Variants in KCNJ2 observed in about 807,000 individuals in gnomAD.
The protein encoded by KCNJ2 is inward rectifier potassium channel 2.
KCNJ2 carries 12 observed loss-of-function variants against 28.4 expected under a neutral mutation model. The ratio of observed to expected loss-of-function variants is 0.42; its 90% CI spans 0.27 to 0.68. The LOEUF (loss-of-function observed/expected upper bound fraction) is 0.68, where lower values mean the gene tolerates loss of function less well. Among genes scored for constraint, KCNJ2 ranks in the 30% least tolerant of loss-of-function variants. The pLI is 0.23. For synonymous variants in KCNJ2, 200 were observed against 203.2 expected, an observed-to-expected ratio of 0.98 and a Z score of 0.13; for missense variants, 320 against 551.3, an observed-to-expected ratio of 0.58 and a Z score of 4.20.
chr17:70,174,920 TCTC>T lies in KCNJ2; in HGVS notation c.-116_-114del. 1 of 949,014 alleles carries T rather than the reference TCTC, an allele frequency of 1.1e-6. No individual in the cohort carries two copies. The highest frequency in any genetic ancestry group is 1.4e-5 in the South Asian group (1 of 71,554). 58.8% of individuals were successfully genotyped at this position (949,014 alleles called of 1,614,324 possible). A position where few individuals can be genotyped will look rare whatever the true frequency, so the allele number is the denominator to read the frequency against. ...CACAAGGCTCCCAGAGACACCCATCTCTCCTCATTTTTTTGGTGTGTGTGTCTT... is the reference window on the plus strand; with the variant it reads ...CACAAGGCTCCCAGAGACACCCATCTCTCATTTTTTTGGTGTGTGTGTCTT... On this transcript the variant is annotated 5_prime_UTR_variant, in exon 2 of 2. Transcript: ENST00000243457.
chr17:70,179,164 C>T lies in KCNJ2; in HGVS notation c.*2841C>T, dbSNP rs1383380793. 1 of 140,164 alleles carries T rather than the reference C, an allele frequency of 7.1e-6. No homozygotes were observed. Among genetic ancestry groups the T allele is most frequent in the Non-Finnish European group, 1.6e-5 (1 of 63,914 alleles). 8.7% of individuals were successfully genotyped at this position (140,164 alleles called of 1,614,324 possible). Reference sequence around the variant, plus strand: ...TGCATTTTACCTTCAAAATATTTGTCCTTATTGACTGGGTCTCCTTAATTA... The same window carrying T: ...TGCATTTTACCTTCAAAATATTTGTTCTTATTGACTGGGTCTCCTTAATTA... On this transcript the variant is annotated 3_prime_UTR_variant, in exon 2 of 2. Transcript: ENST00000243457.
chr17:70,175,755 A>G lies in KCNJ2; in HGVS notation c.716A>G (p.Glu239Gly). Residue 239 changes from glutamate to glycine, a missense_variant, in exon 2 of 2, where the codon GAA becomes GGA. Physicochemically the swap from Glu to Gly is moderately conservative, Grantham distance 98. Coordinates refer to ENST00000243457, the MANE Select transcript of KCNJ2 (RefSeq NM_000891.3). This position sits in a 1 kb window ranked among gnomAD's most constrained non-coding sequence, Gnocchi z 8.3. ...CTCCTCAAATCCAGAATTACTTCTG[A>G]AGGGGAGTATATCCCTCTGGATCAA... ...AQLLKSRITS[E>G]GEYIPLDQID... is the part of the protein sequence containing the mutation. 1 of 1,614,212 alleles carries G rather than the reference A, an allele frequency of 6.2e-7. No homozygotes were observed. Among genetic ancestry groups the G allele is most frequent in the Non-Finnish European group, 8.5e-7 (1 of 1,180,032 alleles).
At chr17:70,174,108 A>G (rs1280158745) in intron 1 of KCNJ2, among the ~76,000 whole-genome samples, 1 of 152,182 alleles carries the variant, frequency 6.6e-6, no homozygotes, top group Non-Finnish European at 1.5e-5. Context: ...GATTATTATA[A>G]GCAATAGGGG....
intron 1 of KCNJ2, among the ~76,000 whole-genome samples, chr17:70,169,960 A>G (rs1029147091): frequency 6.6e-6 from 1 of 152,202 alleles, no homozygotes; most frequent in Non-Finnish European, 1.5e-5. Context: ...TCTCTGCAGC[A>G]TCTGTTTGTG....
Position 70,177,636 on chromosome 17 carries a change from G to C in KCNJ2, c.*1313G>C, listed in dbSNP as rs372188948. The C allele has an allele frequency of 4.8e-5, 8 of 167,364 alleles. No homozygotes were observed. In the East Asian group the frequency reaches 1.2e-3, roughly 24 times the overall value. The allele number at this position is 167,364 out of a possible 1,614,324, so 10.4% of individuals were successfully genotyped here. On this transcript the variant is annotated 3_prime_UTR_variant, in exon 2 of 2. Transcript: ENST00000243457. ...GTCTGGATTGAGTCCTACAGTGTCA[G>C]ATAGGGCGGCAAATGCCAAAGCAGG...
rs1230995929 is a variant in KCNJ2 at position 70,178,851 on chromosome 17, A to G, written c.*2528A>G. 1 of 167,044 alleles carries G rather than the reference A, an allele frequency of 6.0e-6. No individual in the cohort carries two copies. The highest frequency in any genetic ancestry group is 1.5e-5 in the Non-Finnish European group (1 of 68,114). The allele number at this position is 167,044 out of a possible 1,614,324, so 10.3% of individuals were successfully genotyped here. A position where few individuals can be genotyped will look rare whatever the true frequency, so the allele number is the denominator to read the frequency against. Reference sequence around the variant, plus strand: ...CAAATGTAAATAGAGGTCTGTAAAGAAAAATAATTGCCATAGAAAGTATAA... The same window carrying G: ...CAAATGTAAATAGAGGTCTGTAAAGGAAAATAATTGCCATAGAAAGTATAA... On this transcript the variant is annotated 3_prime_UTR_variant, in exon 2 of 2. Transcript: ENST00000243457.
rs1279223538 is a variant in KCNJ2, at chr17:70,176,245, G to T, written c.1206G>T (p.Thr402=). The change falls in exon 2 of 2, where the codon ACG becomes ACT. Residue 402 remains threonine, a synonymous_variant. Coordinates refer to ENST00000243457, the MANE Select transcript of KCNJ2 (RefSeq NM_000891.3). The part of the protein sequence containing the change: ...NGVPESTSTD[T]PPDIDLHNQA... ...TTCCAGAAAGCACTAGTACGGACAC[G>T]CCCCCTGACATAGACCTTCACAACC... 6 of 1,614,002 alleles carry T rather than the reference G, an allele frequency of 3.7e-6. No individual in the cohort carries two copies. Among genetic ancestry groups the T allele is most frequent in the Non-Finnish European group, 4.2e-6 (5 of 1,180,008 alleles).
intron 1 of KCNJ2, among the ~76,000 whole-genome samples, chr17:70,174,437 C>T (rs2074380465): frequency 6.6e-6 from 1 of 152,062 alleles, no homozygotes; most frequent in Admixed American, 6.6e-5. Context: ...TTACGACAAA[C>T]CTTGGAATCA....
At chr17:70,171,251 C>T (rs1317221777) in intron 1 of KCNJ2, among the ~76,000 whole-genome samples, 1 of 151,854 alleles carries the variant, frequency 6.6e-6, no homozygotes, top group Non-Finnish European at 1.5e-5. Context: ...TGGGTATCCC[C>T]CTCCCCTCCC....
intron 1 of KCNJ2, among the ~76,000 whole-genome samples, chr17:70,172,417 G>A (rs941464685): frequency 6.7e-6 from 1 of 150,190 alleles, no homozygotes; most frequent in African/African-American, 2.5e-5. Context: ...AACAAATTCT[G>A]TTATTAGCAA....
At position 70,174,870 on chromosome 17, in the gene KCNJ2, G is replaced by C. The variant is rs2074382705; in HGVS notation, c.-170G>C. 1.5e-6 allele frequency: 1 copy of C among 689,618 alleles called. No individual in the cohort carries two copies. The highest frequency in any genetic ancestry group is 1.6e-5 in the South Asian group (1 of 63,692). The allele number at this position is 689,618 out of a possible 1,614,324, so 42.7% of individuals were successfully genotyped here. A position where few individuals can be genotyped will look rare whatever the true frequency, so the allele number is the denominator to read the frequency against. On this transcript the variant is annotated 5_prime_UTR_variant, in exon 2 of 2. It removes an upstream start codon present in the reference 5' UTR. Coordinates refer to ENST00000243457, the MANE Select transcript of KCNJ2 (RefSeq NM_000891.3). The stretch of plus-strand genomic sequence containing the variant: ...CTGAGTCATTAAAGTAACTCTGCAT[G>C]TCAGTAGACAGACCTTGGTAGAACC...
chr17:70,177,070 G>T lies in KCNJ2; in HGVS notation c.*747G>T, dbSNP rs755003495. 2.4e-5 allele frequency: 4 copies of T among 167,084 alleles called. No individual in the cohort carries two copies. Among genetic ancestry groups the T allele is most frequent in the Non-Finnish European group, 4.4e-5 (3 of 68,188 alleles). The allele number at this position is 167,084 out of a possible 1,614,324, so 10.4% of individuals were successfully genotyped here. A position where few individuals can be genotyped will look rare whatever the true frequency, so the allele number is the denominator to read the frequency against. On this transcript the variant is annotated 3_prime_UTR_variant, in exon 2 of 2. Transcript: ENST00000243457. The stretch of plus-strand genomic sequence containing the variant: ...ATAATGCATATTTTTGCACAGTGGA[G>T]CTTACACTTAAAAGAAAACAAAGCC...
rs754091630 is a variant in KCNJ2, at chr17:70,175,056, C to T, written c.17C>T (p.Thr6Ile). Residue 6 changes from threonine to isoleucine, a missense_variant, in exon 2 of 2, where the codon ACC (threonine) becomes ATC (isoleucine). Thr to Ile is a moderately conservative substitution (Grantham distance 89). This residue lies in a region of KCNJ2 where 54 missense variants were observed against 63.0 expected (regional missense o/e 0.86). Transcript: ENST00000243457. This position sits in a 1 kb window ranked among gnomAD's most constrained non-coding sequence, Gnocchi z 8.3. The part of the protein sequence containing the change: MGSVR[T>I]NRYSIVSSEE... ...GCAGAAGCGATGGGCAGTGTGCGAA[C>T]CAACCGCTACAGCATCGTCTCTTCA... 6.2e-7 allele frequency: 1 copy of T among 1,614,118 alleles called. No homozygotes were observed. The highest frequency in any genetic ancestry group is 1.7e-5 in the Admixed American group (1 of 60,010).
chr17:70,175,521 T>C lies in KCNJ2; in HGVS notation c.482T>C (p.Val161Ala). 6.2e-7 allele frequency: 1 copy of C among 1,614,180 alleles called. No homozygotes were observed. The highest frequency in any genetic ancestry group is 8.5e-7 in the Non-Finnish European group (1 of 1,180,030). Residue 161 changes from valine to alanine, a missense_variant, in exon 2 of 2, where the codon GTG becomes GCG. Transcript: ENST00000243457. This position sits in a 1 kb window ranked among gnomAD's most constrained non-coding sequence, Gnocchi z 8.3. ...TDECPIAVFM[V>A]VFQSIVGCII... ...GAATGCCCAATTGCTGTTTTCATGG[T>C]GGTGTTCCAGTCAATCGTGGGCTGC... is the stretch of plus-strand genomic sequence containing the variant.
chr17:70,175,564 C>A lies in KCNJ2; in HGVS notation c.525C>A (p.Ile175=). 3.1e-6 allele frequency: 5 copies of A among 1,614,214 alleles called. No individual in the cohort carries two copies. Among genetic ancestry groups the A allele is most frequent in the Non-Finnish European group, 4.2e-6 (5 of 1,180,044 alleles). ...SIVGCIIDAF[I]IGAVMAKMAK... is the part of the protein sequence containing the mutation. ...TGGGCTGCATCATCGATGCTTTCAT[C>A]ATTGGCGCAGTCATGGCCAAGATGG... The change falls in exon 2 of 2, where the codon ATC becomes ATA. Residue 175 remains isoleucine, a synonymous_variant. Coordinates refer to ENST00000243457, the MANE Select transcript of KCNJ2 (RefSeq NM_000891.3). The surrounding 1 kb of genome is among the most constrained non-coding windows in gnomAD (Gnocchi z 8.3).
intron 1 of KCNJ2, among the ~76,000 whole-genome samples, chr17:70,173,584 G>T (rs901409508): frequency 1.3e-5 from 2 of 152,230 alleles, no homozygotes; most frequent in African/African-American, 4.8e-5. Context: ...AAGATGGAAA[G>T]TTGAAGTACA....
At position 70,176,402 on chromosome 17, in the gene KCNJ2, C is replaced by T. The variant is rs55970278; in HGVS notation, c.*79C>T. On this transcript the variant is annotated 3_prime_UTR_variant, in exon 2 of 2. Coordinates refer to ENST00000243457, the MANE Select transcript of KCNJ2 (RefSeq NM_000891.3). ...AGGCCCAAAACAGTTATACAGATGACGGTACTGGTCAAGATGGGTCAAGCA... is the reference window on the plus strand; with the variant it reads ...AGGCCCAAAACAGTTATACAGATGATGGTACTGGTCAAGATGGGTCAAGCA... 5,060 of 1,334,068 alleles carry T rather than the reference C, an allele frequency of 3.8e-3. 21 individuals are homozygous for T. The highest frequency in any genetic ancestry group is 4.7e-3 in the Non-Finnish European group (4,400 of 927,224). The allele number at this position is 1,334,068 out of a possible 1,614,324, so 82.6% of individuals were successfully genotyped here. A position where few individuals can be genotyped will look rare whatever the true frequency, so the allele number is the denominator to read the frequency against.
rs1351259818 is a variant in KCNJ2 at position 70,176,355 on chromosome 17, T to C, written c.*32T>C. On this transcript the variant is annotated 3_prime_UTR_variant, in exon 2 of 2. Coordinates refer to ENST00000243457, the MANE Select transcript of KCNJ2 (RefSeq NM_000891.3). ...GATTCCTTCTCTGGAATAGTTACTT[T>C]ACAACACGGTCTGTTGGTCAGAGGC... 4 of 1,596,102 alleles carry C rather than the reference T, an allele frequency of 2.5e-6. No individual in the cohort carries two copies. The highest frequency in any genetic ancestry group is 3.4e-6 in the Non-Finnish European group (4 of 1,163,544).
At chr17:70,171,436 G>A (rs930981063) in intron 1 of KCNJ2, among the ~76,000 whole-genome samples, 3 of 152,190 alleles carry the variant, frequency 2.0e-5, no homozygotes, top group East Asian at 1.9e-4. Context: ...AGCCCAGTAC[G>A]TTTTCTTTTG....
Sources: allele counts gnomAD v4.1 joint callset (sites outside exome capture counted in the v4.1 genomes callset), GRCh38; gene constraint gnomAD v4.1.1; regional missense constraint gnomAD v4.1.1; non-coding constraint Gnocchi (gnomAD v3.1); transcripts MANE v1.5; gene names NCBI Gene and HGNC (gene_info 2026-07-23, HGNC 2026-07-21).